Variants in SGCD observed in about 807,000 individuals in gnomAD.
SGCD encodes the protein sarcoglycan delta.
A neutral mutation model predicts 36.6 loss-of-function variants in SGCD; 18 were observed. The observed-to-expected ratio is 0.49, with a 90% CI of 0.34 to 0.73. The LOEUF is 0.73. SGCD is among the 30% of genes least tolerant of loss of function. The pLI is 0.01. For missense variants in SGCD, 387 were observed against 346.7 expected, an observed-to-expected ratio of 1.12 and a Z score of -0.92; for synonymous variants, 133 against 130.6, an observed-to-expected ratio of 1.02 and a Z score of -0.12.
intron 3 of SGCD, among the ~76,000 whole-genome samples, chr5:156,288,206 A>C (rs1368509007): frequency 6.6e-6 from 1 of 152,148 alleles, no homozygotes; most frequent in Non-Finnish European, 1.5e-5. Flanking sequence ...GCTGCCACTG[A>C]ATTCTCTTTC....
intron 1 of SGCD, among the ~76,000 whole-genome samples, chr5:155,906,798 C>T (rs1756522911): frequency 6.9e-6 from 1 of 143,982 alleles, no homozygotes; most frequent in Non-Finnish European, 1.5e-5. Context: ...AATGTTGATG[C>T]AGAAGCTGCA....
At chr5:155,906,656 T>C (rs1756517422) in intron 1 of SGCD, among the ~76,000 whole-genome samples, 1 of 152,070 alleles carries the variant, frequency 6.6e-6, no homozygotes, top group Non-Finnish European at 1.5e-5. Flanking sequence ...AGGCCCTAAC[T>C]CTCTTTAATT....
chr5:156,149,869 G>A (rs1762793016), intron 3 of SGCD, among the ~76,000 whole-genome samples: 1 of 152,138 alleles, frequency 6.6e-6, no homozygotes, highest in South Asian at 2.1e-4. Flanking sequence ...AATGGTGTGT[G>A]GGCTAACGGA....
chr5:155,986,631 G>C (rs1432824930), intron 1 of SGCD, among the ~76,000 whole-genome samples: 1 of 152,182 alleles, frequency 6.6e-6, no homozygotes, highest in Non-Finnish European at 1.5e-5. Flanking sequence ...GATTGATCAT[G>C]TGTAGAGACA....
intron 3 of SGCD, among the ~76,000 whole-genome samples, chr5:156,360,302 CA>C (rs1159118252): frequency 6.7e-6 from 1 of 149,090 alleles, no homozygotes; most frequent in East Asian, 2.0e-4. Context: ...GGCTGGAGTG[CA>C]ATGGCACAGT....
At chr5:156,260,767 A>G (rs1410410588) in intron 3 of SGCD, among the ~76,000 whole-genome samples, 1 of 152,130 alleles carries the variant, frequency 6.6e-6, no homozygotes, top group Non-Finnish European at 1.5e-5. Flanking sequence ...CTTTTCCTGA[A>G]TCTTAAGAGT....
chr5:156,322,717 T>C (rs923151569), upstream of SGCD, among the ~76,000 whole-genome samples: 1 of 152,136 alleles, frequency 6.6e-6, no homozygotes, highest in Non-Finnish European at 1.5e-5. Flanking sequence ...TTTTCTTCAA[T>C]CTCCTAAAGT....
chr5:156,106,901 G>A lies in SGCD; in HGVS notation c.-281-10977G>A, dbSNP rs539648608. On this transcript the variant is annotated intron_variant, in intron 1 of 9. Transcript: ENST00000517913. ...ATTTTAGTGTATCCAATATCATAAG[G>A]GTGACTTAAATTCTTTACCCTGGAA... Among the ~76,000 whole-genome samples, 248 of 151,916 alleles carry A rather than the reference G, an allele frequency of 1.6e-3. 4 individuals are homozygous for A. The highest frequency in any genetic ancestry group is 2.5e-3 in the Admixed American group (38 of 15,242).
At chr5:156,727,139 T>C (rs758692710) in intron 7 of SGCD, among the ~76,000 whole-genome samples, 1 of 152,006 alleles carries the variant, frequency 6.6e-6, no homozygotes, top group Non-Finnish European at 1.5e-5. Context: ...ACACTGCAAG[T>C]TGGGAATGTA....
chr5:155,875,626 A>G (rs1482270247), intron 1 of SGCD, among the ~76,000 whole-genome samples: 1 of 148,042 alleles, frequency 6.8e-6, no homozygotes, highest in South Asian at 2.1e-4. Flanking sequence ...TAGAATTCAC[A>G]TTTTCAAGAT....
At chr5:156,530,452 C>A (rs1401152329) in intron 4 of SGCD, among the ~76,000 whole-genome samples, 1 of 152,134 alleles carries the variant, frequency 6.6e-6, no homozygotes, top group African/African-American at 2.4e-5. Flanking sequence ...TGCTAACAAG[C>A]CAAAGTCTTT....
intron 3 of SGCD, among the ~76,000 whole-genome samples, chr5:156,128,318 C>A (rs1046294846): frequency 1.3e-5 from 2 of 152,152 alleles, no homozygotes; most frequent in East Asian, 3.9e-4. Flanking sequence ...ACTTTGAAAA[C>A]CAATTTGGCA....
intron 1 of SGCD, among the ~76,000 whole-genome samples, chr5:155,915,316 T>C (rs1236153511): frequency 6.6e-6 from 1 of 152,178 alleles, no homozygotes; most frequent in African/African-American, 2.4e-5. Flanking sequence ...GTAAGGTTTT[T>C]CGTTCCCCAA....
chr5:155,914,546 C>T (rs752136055), intron 1 of SGCD, among the ~76,000 whole-genome samples: 4 of 152,186 alleles, frequency 2.6e-5, no homozygotes, highest in African/African-American at 4.8e-5. Flanking sequence ...ATATCTGTAT[C>T]CTTGATCACA....
intron 3 of SGCD, among the ~76,000 whole-genome samples, chr5:156,160,463 C>A (rs1024552650): frequency 1.3e-5 from 2 of 151,578 alleles, no homozygotes; most frequent in African/African-American, 2.4e-5. Context: ...TTTATAGTCT[C>A]AAGATGCGTC....
chr5:156,112,157 A>C lies in SGCD; in HGVS notation c.-281-5721A>C, dbSNP rs551961232. Among the ~76,000 whole-genome samples the C allele has an allele frequency of 2.0e-5, 3 of 152,286 alleles. No homozygotes were observed. In the South Asian group the frequency reaches 6.2e-4, roughly 32 times the overall value. ...ATTTTCTCCTCTTAGAAATTTCTCA[A>C]CTTGGAACTTTCAGTAAGTGAGATG... is the stretch of plus-strand genomic sequence containing the variant. On this transcript the variant is annotated intron_variant, in intron 1 of 9. Transcript: ENST00000517913.
chr5:156,252,662 CAA>C (rs1765612258), intron 3 of SGCD, among the ~76,000 whole-genome samples: 3 of 152,302 alleles, frequency 2.0e-5, no homozygotes, highest in Admixed American at 2.0e-4. Flanking sequence ...CCATTAGATG[CAA>C]ACTTAGCCTG....
chr5:156,316,058 T>G (rs1002807980), intron 3 of SGCD, among the ~76,000 whole-genome samples: 4 of 151,894 alleles, frequency 2.6e-5, no homozygotes, highest in African/African-American at 9.7e-5. Flanking sequence ...TGTATTAACT[T>G]ATACGTAGAA....
At chr5:155,969,371 C>A (rs946689695) in intron 1 of SGCD, among the ~76,000 whole-genome samples, 3 of 151,984 alleles carry the variant, frequency 2.0e-5, no homozygotes, top group African/African-American at 7.3e-5. Flanking sequence ...TGTTTGTTTG[C>A]CTGTAAGAAA....
Sources: gnomAD v4.1 joint callset for allele counts (sites outside exome capture counted in the v4.1 genomes callset) on GRCh38, gnomAD v4.1.1 for gene constraint, MANE v1.5 for transcripts, NCBI Gene and HGNC (gene_info 2026-07-23, HGNC 2026-07-21) for gene names.